Variants in EIF2AK3 observed in about 807,000 individuals in gnomAD.
EIF2AK3 encodes the protein eukaryotic translation initiation factor 2-alpha kinase 3.
In EIF2AK3, 50 loss-of-function variants were observed where a neutral mutation model predicts 113.5. That is an observed-to-expected ratio of 0.44 (90% CI 0.35 to 0.56). The LOEUF (loss-of-function observed/expected upper bound fraction) is 0.56. Among genes scored for constraint, EIF2AK3 ranks in the 20% least tolerant of loss-of-function variants. The pLI, the probability that EIF2AK3 is intolerant of heterozygous loss-of-function variation, is 0.00. For missense variants in EIF2AK3, 1,185 were observed against 1,378.0 expected (o/e 0.86, Z 2.22); for synonymous variants, 448 against 495.4 (o/e 0.90, Z 1.27).
Position 88,575,297 on chromosome 2 carries a change from T to A in EIF2AK3, c.2186A>T (p.Asp729Val). ...SRSFSVGISC[D>V]QTSSSESQFS... is the part of the protein sequence containing the mutation. ...CTGGCTCTCAGATGAACTTGTCTGG[T>A]CACAGGAAATCCCTACTGAAAAAGA... Residue 729 changes from aspartate (D) to valine (V), a missense_variant, in exon 13 of 17, where the codon GAC (aspartate) becomes GTC (valine). Physicochemically the swap from Asp to Val is radical, Grantham distance 152 (BLOSUM62 -3). Coordinates refer to ENST00000303236, the MANE Select transcript of EIF2AK3 (RefSeq NM_004836.7). 6.2e-7 allele frequency: 1 copy of A among 1,614,202 alleles called. No homozygotes were observed. The highest frequency in any genetic ancestry group is 8.5e-7 in the Non-Finnish European group (1 of 1,180,018).
intron 1 of EIF2AK3, among the ~76,000 whole-genome samples, chr2:88,619,787 C>T (rs1675673464): frequency 6.6e-6 from 1 of 152,032 alleles, no homozygotes; most frequent in South Asian, 2.1e-4. Context: ...AACCCTATCT[C>T]TACTAAAAAT....
chr2:88,595,395 G>T, intron 3 of EIF2AK3, 74 bp downstream of exon 3: 1 of 1,361,388 alleles, frequency 7.3e-7, no homozygotes, highest in Non-Finnish European at 1.0e-6. Context: ...AATAATAAGT[G>T]TAGTTTAATA....
At chr2:88,600,641 T>C (rs922728994) in intron 2 of EIF2AK3, among the ~76,000 whole-genome samples, 2 of 152,216 alleles carry the variant, frequency 1.3e-5, no homozygotes, top group African/African-American at 4.8e-5. Context: ...TTTCTGTTTC[T>C]TAACAAAACC....
At position 88,570,058 on chromosome 2, in the gene EIF2AK3, T is replaced by C. The variant is rs555130054; in HGVS notation, c.2985+816A>G. 2.6e-5 allele frequency among the ~76,000 whole-genome samples: 4 copies of C among 152,310 alleles called. No homozygotes were observed. In the South Asian group the frequency reaches 8.3e-4, roughly 32 times the overall value. On this transcript the variant is annotated intron_variant, in intron 14 of 16. Transcript: ENST00000303236. Reference sequence around the variant, plus strand: ...GGGAATTGGTGCCTGTAATTTTTTTTTGTTTTAGAAAATACTTATTTTTCA... The same window carrying C: ...GGGAATTGGTGCCTGTAATTTTTTTCTGTTTTAGAAAATACTTATTTTTCA...
At chr2:88,576,513 C>A in intron 12 of EIF2AK3, 41 bp downstream of exon 12, 1 of 1,611,914 alleles carries the variant, frequency 6.2e-7, no homozygotes, top group Non-Finnish European at 8.5e-7. Context: ...ATCACACAAG[C>A]AAAAAACTAG....
At chr2:88,588,976 T>G (rs1674813662) in intron 6 of EIF2AK3, 75 bp from the exon 7 acceptor site, 1 of 1,508,554 alleles carries the variant, frequency 6.6e-7, no homozygotes, top group Admixed American at 1.7e-5. Context: ...AAAATTACAT[T>G]AATTCCAGTT....
rs1674788370 is a variant in EIF2AK3, at chr2:88,588,174, A to T, written c.1307-70T>A. 7 of 1,064,486 alleles carry T rather than the reference A, an allele frequency of 6.6e-6. No homozygotes were observed. In the East Asian group the frequency reaches 2.0e-4, roughly 31 times the overall value. The allele number at this position is 1,064,486 out of a possible 1,614,324, so 65.9% of individuals were successfully genotyped here. A position where few individuals can be genotyped will look rare whatever the true frequency, so the allele number is the denominator to read the frequency against. ...CTGAACTGTTATGACTTGAATAAAA[A>T]TGCACGTGCTTAATTGAATAAACTG... On this transcript the variant is annotated intron_variant, in intron 7 of 16. Coordinates refer to ENST00000303236, the MANE Select transcript of EIF2AK3 (RefSeq NM_004836.7).
intron 16 of EIF2AK3, among the ~76,000 whole-genome samples, 186 bp from the exon 17 acceptor site, chr2:88,558,122 G>A (rs1188429671): frequency 1.3e-5 from 2 of 152,106 alleles, no homozygotes; most frequent in African/African-American, 4.8e-5. Flanking sequence ...GAGACAATTT[G>A]TAAATTAATG....
intron 14 of EIF2AK3, among the ~76,000 whole-genome samples, chr2:88,564,665 A>G (rs1674059374): frequency 6.6e-6 from 1 of 151,990 alleles, no homozygotes; most frequent in African/African-American, 2.4e-5. Flanking sequence ...ATTCACCTTC[A>G]CTCATCCACC....
Position 88,570,954 on chromosome 2 carries a change from G to C in EIF2AK3, c.2905C>G (p.Gln969Glu), listed in dbSNP as rs1462526886. 1.1e-5 allele frequency: 18 copies of C among 1,614,014 alleles called. No homozygotes were observed. The highest frequency in any genetic ancestry group is 1.4e-5 in the Non-Finnish European group (17 of 1,180,024). The change falls in exon 14 of 17, where the codon CAG becomes GAG. Residue 969 changes from glutamine to glutamate, a missense_variant. Gln to Glu is a conservative substitution (Grantham distance 29). Coordinates refer to ENST00000303236, the MANE Select transcript of EIF2AK3 (RefSeq NM_004836.7). ...GCTGGCATTGGGGTCAGAACCGTCT[G>C]CTCTTCCTCATCCTGGTCCATTGCA... ...VTAMDQDEEE[Q>E]TVLTPMPAYA... is the part of the protein sequence containing the mutation.
chr2:88,582,898 T>C (rs1674633417), intron 10 of EIF2AK3, among the ~76,000 whole-genome samples: 1 of 152,200 alleles, frequency 6.6e-6, no homozygotes, highest in Admixed American at 6.5e-5. Flanking sequence ...TTTCCAGTTA[T>C]CACAATGCAT....
At chr2:88,594,243 G>A (rs995182685) in intron 3 of EIF2AK3, among the ~76,000 whole-genome samples, 7 of 152,268 alleles carry the variant, frequency 4.6e-5, no homozygotes, top group East Asian at 1.9e-4. Flanking sequence ...CCGTTTACAC[G>A]TCACAATGGT....
At chr2:88,583,841 C>A (rs1014163072) in intron 9 of EIF2AK3, among the ~76,000 whole-genome samples, 1 of 151,836 alleles carries the variant, frequency 6.6e-6, no homozygotes, top group Non-Finnish European at 1.5e-5. Flanking sequence ...AGCATAAACA[C>A]AAACTCCTGG....
chr2:88,581,225 A>T (rs1451616007), intron 10 of EIF2AK3, among the ~76,000 whole-genome samples: 1 of 151,926 alleles, frequency 6.6e-6, no homozygotes, highest in African/African-American at 2.4e-5. Context: ...AAAAAAAAAA[A>T]AAAAGACCCA....
At chr2:88,563,776 T>C (rs973233358) in intron 14 of EIF2AK3, among the ~76,000 whole-genome samples, 2 of 152,206 alleles carry the variant, frequency 1.3e-5, no homozygotes, top group Non-Finnish European at 2.9e-5. Context: ...GAAATACTTA[T>C]ATTTTAATAT....
rs147041117 is a variant in EIF2AK3 at position 88,606,769 on chromosome 2, A to G, written c.438+6955T>C. On this transcript the variant is annotated intron_variant, in intron 2 of 16. Transcript: ENST00000303236. ...GGCAGTCCCACTTTTCAAAGCCCTT[A>G]TATTAGTGGAATGTAGTCTGATATG... is the stretch of plus-strand genomic sequence containing the variant. Among the ~76,000 whole-genome samples, 677 of 152,288 alleles carry G rather than the reference A, an allele frequency of 4.4e-3. 21 individuals carry two copies. The highest frequency in any genetic ancestry group is 6.9e-4 in the Non-Finnish European group (47 of 68,034).
intron 11 of EIF2AK3, among the ~76,000 whole-genome samples, chr2:88,578,458 G>C (rs1299261108): frequency 6.6e-6 from 1 of 152,084 alleles, no homozygotes; most frequent in Non-Finnish European, 1.5e-5. Context: ...CAAAGCAGGT[G>C]GATCACCTGA....
At chr2:88,617,962 T>C (rs1471713862) in intron 1 of EIF2AK3, among the ~76,000 whole-genome samples, 3 of 152,098 alleles carry the variant, frequency 2.0e-5, no homozygotes. Context: ...GAGAACTGCT[T>C]GGAGGGCCAG....
intron 14 of EIF2AK3, among the ~76,000 whole-genome samples, chr2:88,563,507 C>T (rs1165121893): frequency 6.6e-6 from 1 of 152,184 alleles, no homozygotes; most frequent in Non-Finnish European, 1.5e-5. Flanking sequence ...CCCTCACACA[C>T]TATTTGGAGA....
Sources: gnomAD v4.1 joint callset for allele counts (sites outside exome capture counted in the v4.1 genomes callset) on GRCh38, gnomAD v4.1.1 for gene constraint, MANE v1.5 for transcripts, NCBI Gene and HGNC (gene_info 2026-07-23, HGNC 2026-07-21) for gene names.